Variants in WDR72 observed in about 807,000 individuals in gnomAD.
WDR72 encodes the protein WD repeat domain 72.
A neutral mutation model predicts 124.2 loss-of-function variants in WDR72; 120 were observed. That is an observed-to-expected ratio of 0.97 (90% CI 0.83 to 1.12). The LOEUF (loss-of-function observed/expected upper bound fraction) is 1.12, where lower values mean the gene tolerates loss of function less well. WDR72 is among the 50% of genes most tolerant of loss of function. The pLI, the probability that WDR72 is intolerant of heterozygous loss-of-function variation, is 0.00. For synonymous variants in WDR72, 452 were observed against 441.7 expected (o/e 1.02, Z -0.29); for missense variants, 1,387 against 1,278.8 (o/e 1.08, Z -1.29).
At chr15:53,675,647 A>G (rs1220300846) in intron 13 of WDR72, among the ~76,000 whole-genome samples, 1 of 152,100 alleles carries the variant, frequency 6.6e-6, no homozygotes, top group Non-Finnish European at 1.5e-5. Context: ...CATGCTTTTA[A>G]TTGTAGGTTA....
intron 13 of WDR72, among the ~76,000 whole-genome samples, chr15:53,674,989 T>G (rs1045074568): frequency 1.3e-5 from 2 of 152,192 alleles, no homozygotes; most frequent in Non-Finnish European, 2.9e-5. Flanking sequence ...GTTGCTGAGA[T>G]GTGTAAAGAT....
At chr15:53,530,688 G>A (rs28579287) in intron 18 of WDR72, among the ~76,000 whole-genome samples, 38,135 of 151,948 alleles carry the variant, frequency 0.25, 5,378 homozygotes, top group African/African-American at 0.36. Context: ...AGGAAAACAA[G>A]AGACCCTTCA....
intron 19 of WDR72, among the ~76,000 whole-genome samples, chr15:53,518,086 G>A (rs1762389877): frequency 6.6e-6 from 1 of 151,640 alleles, no homozygotes; most frequent in Admixed American, 6.6e-5. Flanking sequence ...GAAAAATTTA[G>A]TTTGAAATTA....
intron 14 of WDR72, among the ~76,000 whole-genome samples, chr15:53,656,657 T>C (rs2015430213): frequency 6.6e-6 from 1 of 152,154 alleles, no homozygotes; most frequent in African/African-American, 2.4e-5. Context: ...TTCTCCTCCA[T>C]TTCTTTCCAG....
At chr15:53,723,267 C>G (rs1210289021) in intron 2 of WDR72, among the ~76,000 whole-genome samples, 1 of 152,148 alleles carries the variant, frequency 6.6e-6, no homozygotes, top group African/African-American at 2.4e-5. Context: ...GTTCAGAATT[C>G]AAAATAACTT....
chr15:53,553,587 T>C (rs1215487782), intron 18 of WDR72, among the ~76,000 whole-genome samples: 1 of 152,174 alleles, frequency 6.6e-6, no homozygotes, highest in East Asian at 1.9e-4. Context: ...ACCTCTGATT[T>C]CCTTTATTAT....
chr15:53,672,307 C>T (rs945224689), intron 13 of WDR72, among the ~76,000 whole-genome samples: 15 of 54,412 alleles, frequency 2.8e-4, no homozygotes, highest in Admixed American at 2.1e-3. Context: ...GGATTAAATG[C>T]CGATTAAAAA....
chr15:53,605,151 T>C (rs1595788204), intron 17 of WDR72, among the ~76,000 whole-genome samples: 1 of 152,236 alleles, frequency 6.6e-6, no homozygotes, highest in Admixed American at 6.5e-5. Flanking sequence ...TGGAATACTA[T>C]GCAGCCATAA....
chr15:53,598,165 C>T (rs4332691), intron 17 of WDR72, among the ~76,000 whole-genome samples: 44,164 of 151,926 alleles, frequency 0.29, 7,981 homozygotes, highest in Middle Eastern at 0.54. Flanking sequence ...CTGATATAGA[C>T]GAACTAGGGA....
At chr15:53,547,147 C>T (rs1893510648) in intron 18 of WDR72, among the ~76,000 whole-genome samples, 1 of 152,206 alleles carries the variant, frequency 6.6e-6, no homozygotes, top group Non-Finnish European at 1.5e-5. Flanking sequence ...CAAGGATGCC[C>T]ACTGTTACCA....
intron 2 of WDR72, among the ~76,000 whole-genome samples, chr15:53,732,103 A>G (rs2018218971): frequency 6.6e-6 from 1 of 152,138 alleles, no homozygotes; most frequent in Non-Finnish European, 1.5e-5. Context: ...AATAATACCC[A>G]TCCTTCCTTC....
chr15:53,526,296 G>A (rs533146618), intron 18 of WDR72, among the ~76,000 whole-genome samples: 1 of 152,176 alleles, frequency 6.6e-6, no homozygotes, highest in African/African-American at 2.4e-5. Context: ...CTACAATAGA[G>A]TAGTCTGAAG....
rs187386099 is a variant in WDR72 at position 53,576,534 on chromosome 15, T to C, written c.3148+20545A>G. On this transcript the variant is annotated intron_variant, in intron 18 of 19. Coordinates refer to ENST00000360509, the MANE Select transcript of WDR72 (RefSeq NM_182758.4). ...CTTTTTGTATGCATGGTAACTTGTATAGTGCCCTTTACTTATTAGGTGAAA... is the reference window on the plus strand; with the variant it reads ...CTTTTTGTATGCATGGTAACTTGTACAGTGCCCTTTACTTATTAGGTGAAA... 6.4e-4 allele frequency among the ~76,000 whole-genome samples: 98 copies of C among 152,250 alleles called. 2 individuals carry two copies. Among genetic ancestry groups the C allele is most frequent in the Admixed American group, 3.9e-3 (60 of 15,280 alleles).
chr15:53,626,434 G>T (rs1393768041), intron 14 of WDR72, among the ~76,000 whole-genome samples: 1 of 152,326 alleles, frequency 6.6e-6, no homozygotes, highest in East Asian at 1.9e-4. Flanking sequence ...CGGATCCAAG[G>T]GATGGAAGTC....
intron 1 of WDR72, among the ~76,000 whole-genome samples, chr15:53,750,897 G>A (rs542924014): frequency 2.0e-4 from 30 of 152,304 alleles, no homozygotes; most frequent in African/African-American, 6.0e-4. Flanking sequence ...ATGAGAAGCT[G>A]CTTCTTATGA....
intron 14 of WDR72, among the ~76,000 whole-genome samples, chr15:53,646,092 T>C (rs2015031376): frequency 6.6e-6 from 1 of 152,186 alleles, no homozygotes; most frequent in Non-Finnish European, 1.5e-5. Context: ...AATGTGACTA[T>C]TGTTCTGTAA....
intron 18 of WDR72, among the ~76,000 whole-genome samples, chr15:53,527,750 C>T (rs907173922): frequency 6.6e-6 from 1 of 151,940 alleles, no homozygotes; most frequent in African/African-American, 2.4e-5. Flanking sequence ...ATCTTAATTA[C>T]ACATTAATCA....
At chr15:53,632,404 C>T (rs180933962) in intron 14 of WDR72, among the ~76,000 whole-genome samples, 1 of 151,960 alleles carries the variant, frequency 6.6e-6, no homozygotes, top group Admixed American at 6.6e-5. Flanking sequence ...ATGGAAACAC[C>T]TGGATGTCCA....
rs181823014 is a variant in WDR72 at position 53,603,272 on chromosome 15, C to T, written c.2953-5998G>A. Among the ~76,000 whole-genome samples the T allele has an allele frequency of 1.6e-4, 25 of 151,974 alleles. No homozygotes were observed. The East Asian group carries it at 4.5e-3, about 27-fold the overall frequency. On this transcript the variant is annotated intron_variant, in intron 17 of 19. Coordinates refer to ENST00000360509, the MANE Select transcript of WDR72 (RefSeq NM_182758.4). ...TCTCCATAGAAGCAGAAAAGGCTCTCAATAAAATTCAACATCCCTTCATGT... is the reference window on the plus strand; with the variant it reads ...TCTCCATAGAAGCAGAAAAGGCTCTTAATAAAATTCAACATCCCTTCATGT...
Sources: allele counts gnomAD v4.1 joint callset (sites outside exome capture counted in the v4.1 genomes callset), GRCh38; gene constraint gnomAD v4.1.1; transcripts MANE v1.5; gene names NCBI Gene and HGNC (gene_info 2026-07-23, HGNC 2026-07-21).